The following PPEF2 variants were observed in gnomAD, a reference collection of about 807,000 sequenced individuals.
PPEF2 encodes protein phosphatase with EF-hand domain 2.
In PPEF2, 84 loss-of-function variants were observed where a neutral mutation model predicts 84.7. That is an observed-to-expected ratio of 0.99 (90% CI 0.83 to 1.19). The LOEUF (loss-of-function observed/expected upper bound fraction) is 1.19. Among genes scored for constraint, PPEF2 ranks in the 50% most tolerant of loss-of-function variants. The pLI is 0.00. For missense variants in PPEF2, 924 were observed against 937.5 expected, an observed-to-expected ratio of 0.99 and a Z score of 0.19; for synonymous variants, 346 against 345.2, an observed-to-expected ratio of 1.00 and a Z score of -0.03.
intron 16 of PPEF2, among the ~76,000 whole-genome samples, chr4:75,861,485 T>C (rs889537604): frequency 2.0e-5 from 3 of 149,194 alleles, no homozygotes; most frequent in Non-Finnish European, 4.5e-5. Flanking sequence ...TAAAGCTAGA[T>C]ACCTACCTAA....
At chr4:75,896,241 C>A (rs1725006592) in intron 2 of PPEF2, 30 bp downstream of exon 2, 2 of 1,608,388 alleles carry the variant, frequency 1.2e-6, no homozygotes, top group Admixed American at 1.7e-5. Context: ...GTGGTACCCA[C>A]AGCTGGTTTG....
chr4:75,892,531 C>G (rs1165486341), intron 2 of PPEF2, among the ~76,000 whole-genome samples: 1 of 151,066 alleles, frequency 6.6e-6, no homozygotes, highest in African/African-American at 2.5e-5. Context: ...AAACAATAAA[C>G]GAATACTCAA....
At chr4:75,874,902 C>CTTTT (rs547098807) in intron 11 of PPEF2, among the ~76,000 whole-genome samples, 175 of 138,052 alleles carry the variant, frequency 1.3e-3, no homozygotes, top group African/African-American at 3.5e-3. Context: ...TTCTTTCTTT[C>CTTTT]TTTTTTTTTT....
At chr4:75,887,481 C>A (rs1724757740) in intron 6 of PPEF2, among the ~76,000 whole-genome samples, 1 of 151,922 alleles carries the variant, frequency 6.6e-6, no homozygotes, top group South Asian at 2.1e-4. Flanking sequence ...ATTAGCCGGG[C>A]GTGGTGGCGG....
chr4:75,877,577 AG>A (rs1724460271), intron 10 of PPEF2, among the ~76,000 whole-genome samples: 1 of 151,932 alleles, frequency 6.6e-6, no homozygotes, highest in Non-Finnish European at 1.5e-5. Context: ...AGCCCTTGAG[AG>A]TAAGTCTGAG....
At chr4:75,870,995 CA>C (rs1384590125) in intron 13 of PPEF2, among the ~76,000 whole-genome samples, 2 of 2,474 alleles carry the variant, frequency 8.1e-4, no homozygotes, top group African/African-American at 8.7e-4. Context: ...CGGGTCACTG[CA>C]ACCTCCAACC....
At chr4:75,890,204 T>C in intron 4 of PPEF2, 72 bp from the exon 5 acceptor site, 1 of 1,539,786 alleles carries the variant, frequency 6.5e-7, no homozygotes, top group Non-Finnish European at 8.9e-7. Context: ...TATAGAATAG[T>C]CCTTGGCTGG....
At chr4:75,864,858 C>G (rs956246524) in intron 15 of PPEF2, among the ~76,000 whole-genome samples, 1 of 152,078 alleles carries the variant, frequency 6.6e-6, no homozygotes, top group African/African-American at 2.4e-5. Context: ...AATGAGATAT[C>G]TTGGGTATAG....
At chr4:75,875,043 A>T (rs1724374843) in intron 11 of PPEF2, among the ~76,000 whole-genome samples, 1 of 151,796 alleles carries the variant, frequency 6.6e-6, no homozygotes, top group Non-Finnish European at 1.5e-5. Context: ...CTGGGACTAC[A>T]GGCACCCACC....
chr4:75,860,557 G>A lies in PPEF2; in HGVS notation c.*110C>T. 7.2e-7 allele frequency: 1 copy of A among 1,390,794 alleles called. No individual in the cohort carries two copies. The allele number at this position is 1,390,794 out of a possible 1,614,324, so 86.2% of individuals were successfully genotyped here. On this transcript the variant is annotated 3_prime_UTR_variant, in exon 17 of 17. Transcript: ENST00000286719. ...TACACAGGTGATTCTGATGCATATG[G>A]ATAGGTAAATTTTCAGCATAAAGTT...
At chr4:75,884,438 A>AAC (rs201871440) in intron 8 of PPEF2, among the ~76,000 whole-genome samples, 156 bp downstream of exon 8, 2 of 150,572 alleles carry the variant, frequency 1.3e-5, no homozygotes, top group Admixed American at 6.6e-5. Flanking sequence ...AAAAAAAAAA[A>AAC]TTTTTTTTTG....
chr4:75,872,583 G>T (rs764496791), intron 12 of PPEF2, among the ~76,000 whole-genome samples: 10 of 152,078 alleles, frequency 6.6e-5, no homozygotes, highest in Non-Finnish European at 1.0e-4. Flanking sequence ...CTCCTCAGAT[G>T]GTGTATGAAA....
intron 1 of PPEF2, among the ~76,000 whole-genome samples, chr4:75,896,620 T>A (rs1260192141): frequency 6.6e-6 from 1 of 152,192 alleles, no homozygotes; most frequent in Non-Finnish European, 1.5e-5. Context: ...TTATTTTGCA[T>A]TCTCAAAGCA....
Position 75,891,688 on chromosome 4 carries a change from G to A in PPEF2, c.201C>T (p.Ser67=), listed in dbSNP as rs1236352088. ...QDQVKLHDFF[S]YLMDHFIPSS... The stretch of plus-strand genomic sequence containing the variant: ...TGGGGATGAAGTGATCCATGAGATA[G>A]CTGAAGAAGTCATGGAGCTGCAGAA... The change falls in exon 4 of 17, where the codon AGC becomes AGT. Residue 67 remains serine (S), a synonymous_variant. Coordinates refer to ENST00000286719, the MANE Select transcript of PPEF2 (RefSeq NM_006239.3). 3.1e-6 allele frequency: 5 copies of A among 1,611,730 alleles called. No individual in the cohort carries two copies. The African/African-American group carries it at 5.3e-5, about 17-fold the overall frequency.
chr4:75,887,175 C>G (rs1350920551), intron 6 of PPEF2, among the ~76,000 whole-genome samples: 1 of 152,124 alleles, frequency 6.6e-6, no homozygotes, highest in East Asian at 1.9e-4. Flanking sequence ...GGTTGCAAAC[C>G]TAGATGAGAA....
At chr4:75,887,916 G>A (rs769629946) in intron 6 of PPEF2, among the ~76,000 whole-genome samples, 1 of 152,162 alleles carries the variant, frequency 6.6e-6, no homozygotes, top group Non-Finnish European at 1.5e-5. Context: ...TTCTAACAAG[G>A]AGGGTCTGGT....
intron 1 of PPEF2, among the ~76,000 whole-genome samples, chr4:75,899,446 T>C (rs1321291128): frequency 1.3e-5 from 2 of 152,164 alleles, no homozygotes; most frequent in African/African-American, 4.8e-5. Flanking sequence ...CTTTCTCTAG[T>C]TCTTCTTCAG....
intron 7 of PPEF2, 49 bp from the exon 8 acceptor site, chr4:75,884,809 G>A (rs1976517): frequency 0.96 from 1,406,402 of 1,460,044 alleles, 683,239 homozygotes; most frequent in East Asian, 1. Context: ...GAAGGAAATA[G>A]GAAATCAGGT....
intron 16 of PPEF2, among the ~76,000 whole-genome samples, chr4:75,861,394 G>C (rs1723995732): frequency 6.7e-6 from 1 of 150,226 alleles, no homozygotes; most frequent in Non-Finnish European, 1.5e-5. Context: ...TTTTACAAGG[G>C]TCCCAAGATC....
Sources: gnomAD v4.1 joint callset for allele counts (sites outside exome capture counted in the v4.1 genomes callset) on GRCh38, gnomAD v4.1.1 for gene constraint, MANE v1.5 for transcripts, NCBI Gene and HGNC (gene_info 2026-07-23, HGNC 2026-07-21) for gene names.